Variants in USH2A observed in about 807,000 individuals in gnomAD.
USH2A encodes Usher syndrome 2A (autosomal recessive, mild).
USH2A carries 443 observed loss-of-function variants against 538.9 expected under a neutral mutation model. That is an observed-to-expected ratio of 0.82 (90% CI 0.76 to 0.89). The LOEUF is 0.89. Among genes scored for constraint, USH2A ranks in the 40% least tolerant of loss-of-function variants. USH2A has a pLI of 0.00. For synonymous variants in USH2A, 2,413 were observed against 2,273.5 expected (o/e 1.06, Z -1.75); for missense variants, 6,633 against 6,324.8 (o/e 1.05, Z -1.65).
At chr1:216,293,009 G>A (rs1256611718) in intron 9 of USH2A, among the ~76,000 whole-genome samples, 1 of 149,288 alleles carries the variant, frequency 6.7e-6, no homozygotes, top group Non-Finnish European at 1.5e-5. Context: ...TTATCACACT[G>A]AACACAAGCA....
chr1:215,963,829 T>C (rs1049058836), intron 37 of USH2A, among the ~76,000 whole-genome samples: 1 of 152,090 alleles, frequency 6.6e-6, no homozygotes, highest in Admixed American at 6.6e-5. Context: ...TAGAGGGTCA[T>C]TACGGATCGA....
Position 216,393,282 on chromosome 1 carries a change from C to T in USH2A, c.651+25232G>A, listed in dbSNP as rs145843467. On this transcript the variant is annotated intron_variant, in intron 3 of 71. Transcript: ENST00000307340. ...TTCTCCTCCAGATGGAAAAAAGTTA[C>T]TTAATAACCTTACTTAGTTTTAAAA... Among the ~76,000 whole-genome samples the T allele has an allele frequency of 4.5e-3, 688 of 152,262 alleles. 1 individual carries two copies. The highest frequency in any genetic ancestry group is 8.4e-3 in the Non-Finnish European group (568 of 68,000).
intron 55 of USH2A, among the ~76,000 whole-genome samples, chr1:215,770,937 T>C (rs1661262000): frequency 8.2e-6 from 1 of 121,608 alleles, no homozygotes; most frequent in Admixed American, 8.7e-5. Context: ...AAACCCCGTC[T>C]CTACTAAAAA....
At chr1:215,677,616 C>T (rs771837954) in intron 62 of USH2A, among the ~76,000 whole-genome samples, 4 of 152,152 alleles carry the variant, frequency 2.6e-5, no homozygotes, top group African/African-American at 9.7e-5. Context: ...TACTTCTGCT[C>T]TCAGCAACAT....
intron 23 of USH2A, 86 bp downstream of exon 23, chr1:216,088,927 T>C: frequency 6.4e-7 from 1 of 1,573,990 alleles, no homozygotes; most frequent in Non-Finnish European, 8.7e-7. Flanking sequence ...TATGGTGAAA[T>C]AAGAATGTAG....
chr1:215,894,170 ATAGT>A (rs1665269621), intron 40 of USH2A, among the ~76,000 whole-genome samples: 1 of 152,178 alleles, frequency 6.6e-6, no homozygotes, highest in African/African-American at 2.4e-5. Context: ...AGAAAGCAAA[ATAGT>A]TGTGTAGCAC....
chr1:215,671,776 T>A (rs1289962874), intron 63 of USH2A, among the ~76,000 whole-genome samples: 1 of 152,190 alleles, frequency 6.6e-6, no homozygotes, highest in Admixed American at 6.5e-5. Flanking sequence ...CCTGGACTCC[T>A]ACCTTTGCAG....
chr1:216,198,260 G>A (rs2034896315), intron 18 of USH2A, 55 bp downstream of exon 18: 16 of 1,611,176 alleles, frequency 9.9e-6, no homozygotes, highest in Admixed American at 1.7e-5. Flanking sequence ...TTTAATTTGA[G>A]GAAACATTTG....
Position 215,965,448 on chromosome 1 carries a change from T to C in USH2A, c.6989A>G (p.Glu2330Gly), listed in dbSNP as rs138992047. Reference sequence around the variant, plus strand: ...TTTGACAAACACATTTACTGTTCCTTCAGGAGGAGCTTCTAGAGTTCGATT... The same window carrying C: ...TTTGACAAACACATTTACTGTTCCTCCAGGAGGAGCTTCTAGAGTTCGATT... ...VENRTLEAPP[E>G]GTVNVFVKTQ... The change falls in exon 37 of 72, where the codon GAA (glutamate) becomes GGA (glycine). Residue 2330 changes from glutamate to glycine, a missense_variant. By Grantham distance (98) the Glu-to-Gly change is moderately conservative (BLOSUM62 -2). Transcript: ENST00000307340. 1.0e-4 allele frequency: 164 copies of C among 1,613,714 alleles called. No individual in the cohort carries two copies. The African/African-American group carries it at 2.0e-3, about 20-fold the overall frequency.
At chr1:215,829,817 T>A (rs1663262390) in intron 47 of USH2A, among the ~76,000 whole-genome samples, 1 of 152,178 alleles carries the variant, frequency 6.6e-6, no homozygotes, top group African/African-American at 2.4e-5. Flanking sequence ...TACATGCCAA[T>A]ATTTGGTTAT....
chr1:216,242,450 T>C (rs1013441531), intron 13 of USH2A, among the ~76,000 whole-genome samples: 1 of 151,952 alleles, frequency 6.6e-6, no homozygotes, highest in African/African-American at 2.4e-5. Context: ...TAATTGACGA[T>C]ACTGAGAAAT....
intron 11 of USH2A, among the ~76,000 whole-genome samples, chr1:216,278,718 C>A (rs1300829176): frequency 2.0e-5 from 3 of 152,080 alleles, no homozygotes; most frequent in Non-Finnish European, 4.4e-5. Context: ...CTTATTTTTT[C>A]TATTTGTACA....
chr1:215,815,835 G>T (rs191664118), intron 48 of USH2A, among the ~76,000 whole-genome samples: 2 of 151,916 alleles, frequency 1.3e-5, no homozygotes, highest in Non-Finnish European at 2.9e-5. Flanking sequence ...AAGTTATAGG[G>T]TTGAAACTTA....
intron 15 of USH2A, among the ~76,000 whole-genome samples, chr1:216,208,249 C>T (rs1055324630): frequency 6.6e-6 from 1 of 152,020 alleles, no homozygotes; most frequent in Non-Finnish European, 1.5e-5. Flanking sequence ...GACAATCAAC[C>T]ACCAGTTTAC....
chr1:215,777,198 C>A (rs886253059), intron 55 of USH2A, among the ~76,000 whole-genome samples: 1 of 151,650 alleles, frequency 6.6e-6, no homozygotes, highest in Non-Finnish European at 1.5e-5. Context: ...TTTCTGGCAC[C>A]AAGATACATG....
chr1:216,173,996 A>G, intron 21 of USH2A: 1 of 985,204 alleles, frequency 1.0e-6, no homozygotes, highest in Non-Finnish European at 1.2e-6. Context: ...TTTTAGCTCA[A>G]TGGTTCAATT....
chr1:215,968,012 A>C (rs1195391334), intron 36 of USH2A, among the ~76,000 whole-genome samples: 1 of 152,010 alleles, frequency 6.6e-6, no homozygotes, highest in Non-Finnish European at 1.5e-5. Flanking sequence ...GGGAGTAAGA[A>C]AGCAAAGTGA....
intron 6 of USH2A, 93 bp from the exon 7 acceptor site, chr1:216,324,445 G>T (rs1174962765): frequency 1.7e-6 from 2 of 1,191,362 alleles, no homozygotes; most frequent in Non-Finnish European, 2.4e-6. Context: ...AAATATATTG[G>T]CTCACTTCAT....
At chr1:215,650,932 TTGA>T (rs1277914222) in intron 64 of USH2A, 131 bp from the exon 65 acceptor site, 2 of 946,340 alleles carry the variant, frequency 2.1e-6, no homozygotes, top group Non-Finnish European at 1.6e-6. Flanking sequence ...GAGATAAACT[TTGA>T]TCTTGCAACC....
Sources: allele counts gnomAD v4.1 joint callset (sites outside exome capture counted in the v4.1 genomes callset), GRCh38; gene constraint gnomAD v4.1.1; transcripts MANE v1.5; gene names NCBI Gene and HGNC (gene_info 2026-07-23, HGNC 2026-07-21).